Variants in IL10RA observed in about 807,000 individuals in gnomAD.
IL10RA encodes the protein interleukin-10 receptor subunit alpha.
A neutral mutation model predicts 29.6 loss-of-function variants in IL10RA; 18 were observed. The ratio of observed to expected loss-of-function variants is 0.61; its 90% CI spans 0.42 to 0.90. The LOEUF is 0.90. IL10RA is among the 40% of genes least tolerant of loss of function. The pLI, the probability that IL10RA is intolerant of heterozygous loss-of-function variation, is 0.00. For synonymous variants in IL10RA, 292 were observed against 294.1 expected (o/e 0.99, Z 0.07); for missense variants, 634 against 716.6 (o/e 0.88, Z 1.32).
At chr11:117,988,236 T>G in intron 1 of IL10RA, 146 bp from the exon 2 acceptor site, 1 of 904,738 alleles carries the variant, frequency 1.1e-6, no homozygotes. Context: ...CACATGTGGA[T>G]TCATGTGCCC....
intron 6 of IL10RA, among the ~76,000 whole-genome samples, chr11:117,996,784 T>C (rs549651728): frequency 6.6e-6 from 1 of 152,246 alleles, no homozygotes; most frequent in South Asian, 2.1e-4. Flanking sequence ...AGAGACGGGG[T>C]GTTGACCAGG....
At chr11:117,994,438 C>T (rs1402185348) in intron 5 of IL10RA, among the ~76,000 whole-genome samples, 1 of 152,204 alleles carries the variant, frequency 6.6e-6, no homozygotes, top group Non-Finnish European at 1.5e-5. Flanking sequence ...TTCCCAACAA[C>T]ATCCCCCTCC....
At position 117,999,217 on chromosome 11, in the gene IL10RA, C is replaced by G. The variant is rs563995254; in HGVS notation, c.1313C>G (p.Pro438Arg). Residue 438 changes from proline to arginine, a missense_variant, in exon 7 of 7, where the codon CCA (proline) becomes CGA (arginine). By Grantham distance (103) the Pro-to-Arg change is moderately radical (BLOSUM62 -2). Coordinates refer to ENST00000227752, the MANE Select transcript of IL10RA (RefSeq NM_001558.4). ...CCTGAGGTGCCTGGGGAAGAAGACC[C>G]AGCTGCTGTGGCATTCCAGGGTTAC... Reference protein sequence around the residue: ...PEPEVPGEEDPAAVAFQGYLR... With the variant: ...PEPEVPGEEDRAAVAFQGYLR... 2 of 1,614,242 alleles carry G rather than the reference C, an allele frequency of 1.2e-6. No homozygotes were observed. The highest frequency in any genetic ancestry group is 2.2e-5 in the East Asian group (1 of 44,874).
In IL10RA at chr11:117,995,645, G is replaced by A. The variant is rs780273095; in HGVS notation, c.745G>A (p.Ala249Thr). 3.7e-6 allele frequency: 6 copies of A among 1,613,988 alleles called. No individual in the cohort carries two copies. The highest frequency in any genetic ancestry group is 5.1e-6 in the Non-Finnish European group (6 of 1,180,026). The change falls in exon 6 of 7, where the codon GCC becomes ACC. Residue 249 changes from alanine (A) to threonine (T), a missense_variant. By Grantham distance (58) the Ala-to-Thr change is moderately conservative. Transcript: ENST00000227752. The part of the protein sequence containing the change: ...FFAFVLLLSG[A>T]LAYCLALQLY... Reference sequence around the variant, plus strand: ...TGCCTTTGTCCTGCTGCTCTCCGGAGCCCTCGCCTACTGCCTGGCCCTCCA... The same window carrying A: ...TGCCTTTGTCCTGCTGCTCTCCGGAACCCTCGCCTACTGCCTGGCCCTCCA...
chr11:117,993,484 T>A, intron 4 of IL10RA, 74 bp downstream of exon 4: 1 of 1,367,572 alleles, frequency 7.3e-7, no homozygotes, highest in Non-Finnish European at 1.0e-6. Context: ...AGCACCCTTG[T>A]GTGCCATTGG....
intron 1 of IL10RA, 39 bp from the exon 2 acceptor site, chr11:117,988,343 C>T (rs544009979): frequency 6.2e-7 from 1 of 1,613,350 alleles, no homozygotes; most frequent in East Asian, 2.2e-5. Flanking sequence ...CAATGCCTGC[C>T]CCCCCTCCCA....
chr11:117,986,597 C>T (rs1052312194), intron 1 of IL10RA, 63 bp downstream of exon 1: 2 of 1,546,714 alleles, frequency 1.3e-6, no homozygotes, highest in African/African-American at 2.7e-5. Context: ...CATTAAAGTT[C>T]TCCATCCAGT....
At chr11:117,995,286 C>T (rs904864516) in intron 5 of IL10RA, 2 of 427,830 alleles carry the variant, frequency 4.7e-6, no homozygotes, top group Non-Finnish European at 8.8e-6. Context: ...CCCGGAGCCT[C>T]GATTCTTACC....
intron 5 of IL10RA, among the ~76,000 whole-genome samples, chr11:117,994,517 C>A (rs1274771600): frequency 6.6e-6 from 1 of 152,212 alleles, no homozygotes; most frequent in Non-Finnish European, 1.5e-5. Context: ...TTCCTCAGAG[C>A]CAGGGATACA....
intron 1 of IL10RA, chr11:117,987,355 C>G (rs559544805): frequency 1.1e-5 from 2 of 176,448 alleles, no homozygotes; most frequent in South Asian, 1.1e-4. Flanking sequence ...AAGGCACTGA[C>G]GTGAAGATCA....
At chr11:118,002,656 C>T (rs1489019156), downstream of IL10RA, 6 of 152,402 alleles carry the variant, frequency 3.9e-5, no homozygotes, top group South Asian at 8.3e-4. Flanking sequence ...AGTCAGAAGA[C>T]ACAGCCCTTG....
intron 5 of IL10RA, among the ~76,000 whole-genome samples, chr11:117,994,653 T>C (rs2058045174): frequency 6.6e-6 from 1 of 152,150 alleles, no homozygotes; most frequent in Non-Finnish European, 1.5e-5. Flanking sequence ...ATAGAGGACA[T>C]GGAGGCCACG....
rs2058011270 is a variant in IL10RA, at chr11:117,989,977, T to C, written c.367+357T>C. On this transcript the variant is annotated intron_variant, in intron 3 of 6. Transcript: ENST00000227752. The surrounding 1 kb of genome is among the most constrained non-coding windows in gnomAD (Gnocchi z 4.5). ...ATAGGGCAGCAAGCAGTAGGCAGAA[T>C]TTGGGTGAACGCCCCGCTTCTTTAG... Among the ~76,000 whole-genome samples, 1 of 152,030 alleles carries C rather than the reference T, an allele frequency of 6.6e-6. No individual in the cohort carries two copies. The highest frequency in any genetic ancestry group is 1.5e-5 in the Non-Finnish European group (1 of 68,006).
At position 117,989,178 on chromosome 11, in the gene IL10RA, A is replaced by G. The variant is rs1354231888; in HGVS notation, c.189-264A>G. Among the ~76,000 whole-genome samples, 1 of 152,248 alleles carries G rather than the reference A, an allele frequency of 6.6e-6. No homozygotes were observed. Among genetic ancestry groups the G allele is most frequent in the Non-Finnish European group, 1.5e-5 (1 of 68,038 alleles). On this transcript the variant is annotated intron_variant, in intron 2 of 6. Transcript: ENST00000227752. The surrounding 1 kb of genome is among the most constrained non-coding windows in gnomAD (Gnocchi z 4.5). ...GAAGGGAGAGACCAGGCTGTGCTGT[A>G]GGAGCCAGAAAGAATTTCTGGAAGA...
Position 117,998,891 on chromosome 11 carries a change from G to A in IL10RA, c.987G>A (p.Gln329=). ...TTGGCAGCACCAAGCCATCCCTGCA[G>A]ACTGAAGAGCCCCAGTTCCTCCTCC... The part of the protein sequence containing the change: ...SGFGSTKPSL[Q]TEEPQFLLPD... The change falls in exon 7 of 7, where the codon CAG becomes CAA. Residue 329 remains glutamine (Q), a synonymous_variant. Coordinates refer to ENST00000227752, the MANE Select transcript of IL10RA (RefSeq NM_001558.4). 1 of 1,614,200 alleles carries A rather than the reference G, an allele frequency of 6.2e-7. No homozygotes were observed. The highest frequency in any genetic ancestry group is 8.5e-7 in the Non-Finnish European group (1 of 1,180,040).
At chr11:117,996,445 G>T (rs764849625) in intron 6 of IL10RA, among the ~76,000 whole-genome samples, 1 of 152,202 alleles carries the variant, frequency 6.6e-6, no homozygotes, top group African/African-American at 2.4e-5. Context: ...TCCAAACCTC[G>T]GCCTGGTCTC....
chr11:118,001,144 T>G lies in IL10RA; in HGVS notation c.*1503T>G, dbSNP rs1270981020. 1 of 454,282 alleles carries G rather than the reference T, an allele frequency of 2.2e-6. No individual in the cohort carries two copies. The highest frequency in any genetic ancestry group is 4.4e-6 in the Non-Finnish European group (1 of 226,788). 28.1% of individuals were successfully genotyped at this position (454,282 alleles called of 1,614,324 possible). A position where few individuals can be genotyped will look rare whatever the true frequency, so the allele number is the denominator to read the frequency against. The stretch of plus-strand genomic sequence containing the variant: ...ACTGAACTCCCTCTGGAGGCAGGCT[T>G]GAGGGAGGATTCCTCAGGGTTCCCT... On this transcript the variant is annotated 3_prime_UTR_variant, in exon 7 of 7. Coordinates refer to ENST00000227752, the MANE Select transcript of IL10RA (RefSeq NM_001558.4).
rs762792922 is a variant in IL10RA at position 117,988,452 on chromosome 11, A to G, written c.138A>G (p.Thr46=). The G allele has an allele frequency of 6.2e-7, 1 of 1,614,008 alleles. No individual in the cohort carries two copies. The highest frequency in any genetic ancestry group is 1.7e-5 in the Admixed American group (1 of 60,010). ...AEFFHHILHW[T]PIPNQSESTC... ...TTTTCCACCACATCCTCCACTGGAC[A>G]CCCATCCCAAATCAGTCTGAAAGTA... The change falls in exon 2 of 7, where the codon ACA becomes ACG. Residue 46 remains threonine, a synonymous_variant. Coordinates refer to ENST00000227752, the MANE Select transcript of IL10RA (RefSeq NM_001558.4).
chr11:117,995,094 G>A (rs535459442), intron 5 of IL10RA: 1 of 177,444 alleles, frequency 5.6e-6, no homozygotes, highest in African/African-American at 2.4e-5. Flanking sequence ...TGGGGCTGAT[G>A]ATAGTATTTA....
Sources: gnomAD v4.1 joint callset for allele counts (sites outside exome capture counted in the v4.1 genomes callset) on GRCh38, gnomAD v4.1.1 for gene constraint, Gnocchi (gnomAD v3.1) non-coding constraint, MANE v1.5 for transcripts, NCBI Gene and HGNC (gene_info 2026-07-23, HGNC 2026-07-21) for gene names.